THRB: variants seen among roughly 807,000 people sequenced by gnomAD.
The protein encoded by THRB is thyroid hormone receptor beta.
THRB carries 12 observed loss-of-function variants against 47.8 expected under a neutral mutation model. That is an observed-to-expected ratio of 0.25 (90% confidence interval 0.16 to 0.41). THRB has a LOEUF of 0.41. Ranked by LOEUF, THRB falls within the 10% of genes least tolerant of loss-of-function variation. The pLI is 1.00. For missense variants in THRB, 348 were observed against 589.2 expected (o/e 0.59, Z 4.24); for synonymous variants, 218 against 212.2 (o/e 1.03, Z -0.24).
chr3:24,333,912 C>T (rs914074349), intron 2 of THRB, among the ~76,000 whole-genome samples: 6 of 152,140 alleles, frequency 3.9e-5, no homozygotes, highest in East Asian at 1.9e-4. Flanking sequence ...CTCTTCTTGC[C>T]GTTTCCTAAC....
At chr3:24,325,371 A>G (rs949295392) in intron 2 of THRB, among the ~76,000 whole-genome samples, 1 of 152,210 alleles carries the variant, frequency 6.6e-6, no homozygotes, top group African/African-American at 2.4e-5. Context: ...TTCACTCTCA[A>G]TTAATTGCAA....
chr3:24,240,643 C>A (rs1305752356), intron 3 of THRB, among the ~76,000 whole-genome samples: 1 of 152,152 alleles, frequency 6.6e-6, no homozygotes, highest in Non-Finnish European at 1.5e-5. Flanking sequence ...TTACAGGTAG[C>A]AAGGAGCTAC....
At position 24,190,216 on chromosome 3, in the gene THRB, G is replaced by C; in HGVS notation, c.141C>G (p.Ser47Arg). ...GCGACGACTGTTCATTTTTCAACGTGCTGCGCCTCTCTGAATGGCTCTTCC... is the reference window on the plus strand; with the variant it reads ...GCGACGACTGTTCATTTTTCAACGTCCTGCGCCTCTCTGAATGGCTCTTCC... Reference protein sequence around the residue: ...LHRKSHSERRSTLKNEQSSPH... With the variant: ...LHRKSHSERRRTLKNEQSSPH... The change falls in exon 5 of 11, where the codon AGC becomes AGG. Residue 47 changes from serine (S) to arginine (R), a missense_variant. Ser to Arg is a moderately radical substitution (Grantham distance 110, BLOSUM62 -1). Transcript: ENST00000646209. The C allele has an allele frequency of 6.2e-7, 1 of 1,614,112 alleles. No individual in the cohort carries two copies. The highest frequency in any genetic ancestry group is 8.5e-7 in the Non-Finnish European group (1 of 1,179,982).
chr3:24,436,974 A>G (rs2071023483), intron 1 of THRB, among the ~76,000 whole-genome samples: 1 of 152,002 alleles, frequency 6.6e-6, no homozygotes, highest in South Asian at 2.1e-4. Flanking sequence ...CTCATTGCAG[A>G]GGGTTGACGC....
intron 6 of THRB, 63 bp from the exon 7 acceptor site, chr3:24,146,885 A>C (rs919404305): frequency 2.0e-6 from 3 of 1,510,186 alleles, no homozygotes; most frequent in Non-Finnish European, 2.8e-6. Flanking sequence ...GTGATTCTGG[A>C]ATTTTGTGTC....
intron 3 of THRB, among the ~76,000 whole-genome samples, chr3:24,270,646 T>G (rs1039896340): frequency 6.6e-6 from 1 of 152,178 alleles, no homozygotes; most frequent in Non-Finnish European, 1.5e-5. Flanking sequence ...GGTCAGTTCA[T>G]CAGGTCATGG....
At chr3:24,225,555 A>G (rs1486409112) in intron 4 of THRB, among the ~76,000 whole-genome samples, 6 of 152,230 alleles carry the variant, frequency 3.9e-5, no homozygotes, top group Admixed American at 1.3e-4. Flanking sequence ...CAGCGCAAAC[A>G]TAATGGGTCT....
In THRB at chr3:24,298,836, T is replaced by C. The variant is rs374926463; in HGVS notation, c.-188-1465A>G. Among the ~76,000 whole-genome samples the C allele has an allele frequency of 2.0e-4, 31 of 152,368 alleles. 1 individual carries two copies. The South Asian group carries it at 6.0e-3, about 30-fold the overall frequency. ...CATGAAAAAGGGTCTCTAGACATGA[T>C]TATGGATTGTGACTCATTTGATTGT... is the stretch of plus-strand genomic sequence containing the variant. On this transcript the variant is annotated intron_variant, in intron 2 of 10. Coordinates refer to ENST00000646209, the MANE Select transcript of THRB (RefSeq NM_001354712.2).
rs138552616 is a variant in THRB, at chr3:24,144,150, G to A, written c.533-444C>T. 531 of 188,210 alleles carry A rather than the reference G, an allele frequency of 2.8e-3. 10 individuals carry two copies. Among genetic ancestry groups the A allele is most frequent in the Admixed American group, 0.018 (330 of 18,800 alleles). 11.7% of individuals were successfully genotyped at this position (188,210 alleles called of 1,614,324 possible). A position where few individuals can be genotyped will look rare whatever the true frequency, so the allele number is the denominator to read the frequency against. ...AAAGAGAACTTCAGGTTAAAGAAAC[G>A]TTATGGAATTAAAAAAAGAAACGTT... On this transcript the variant is annotated intron_variant, in intron 7 of 10. Transcript: ENST00000646209.
chr3:24,380,536 A>C (rs1207712193), intron 1 of THRB, among the ~76,000 whole-genome samples: 1 of 152,148 alleles, frequency 6.6e-6, no homozygotes, highest in South Asian at 2.1e-4. Flanking sequence ...TTTTCACAAC[A>C]GCCCTAAATG....
At chr3:24,484,112 T>G (rs1025738298) in intron 1 of THRB, 4 of 152,204 alleles carry the variant, frequency 2.6e-5, no homozygotes, top group Non-Finnish European at 5.9e-5. Flanking sequence ...AACAGAGCCA[T>G]CAATCAATCA....
chr3:24,128,511 T>C (rs1238493016), intron 9 of THRB, among the ~76,000 whole-genome samples: 3 of 152,202 alleles, frequency 2.0e-5, no homozygotes, highest in Non-Finnish European at 4.4e-5. Context: ...ACGTTAATAA[T>C]AAAAAATACC....
chr3:24,195,256 A>G (rs572903067), intron 4 of THRB, among the ~76,000 whole-genome samples: 3 of 152,178 alleles, frequency 2.0e-5, no homozygotes, highest in Non-Finnish European at 4.4e-5. Flanking sequence ...TATCTTCACA[A>G]ACATCCAGGG....
At chr3:24,307,323 A>T (rs2057421995) in intron 2 of THRB, among the ~76,000 whole-genome samples, 1 of 142,820 alleles carries the variant, frequency 7.0e-6, no homozygotes, top group Non-Finnish European at 1.6e-5. Context: ...GAAAAGTATT[A>T]AAAAATCACT....
intron 1 of THRB, among the ~76,000 whole-genome samples, chr3:24,347,361 A>G (rs912009167): frequency 1.3e-5 from 2 of 151,986 alleles, no homozygotes; most frequent in Non-Finnish European, 2.9e-5. Context: ...AAATAATACC[A>G]TATTAGGGTC....
chr3:24,446,727 G>T (rs147392438), intron 1 of THRB, among the ~76,000 whole-genome samples: 74 of 152,246 alleles, frequency 4.9e-4, no homozygotes, highest in African/African-American at 1.8e-3. Flanking sequence ...ATCTTTGTGG[G>T]GTGCTCTCTA....
At chr3:24,478,826 G>C (rs1695886114) in intron 1 of THRB, among the ~76,000 whole-genome samples, 1 of 152,160 alleles carries the variant, frequency 6.6e-6, no homozygotes, top group Admixed American at 6.5e-5. Flanking sequence ...TTAGGGGGTG[G>C]GGAGAGATTA....
chr3:24,495,263 C>T (rs1268037113), upstream of THRB: 1 of 151,618 alleles, frequency 6.6e-6, no homozygotes, highest in East Asian at 2.0e-4. Flanking sequence ...CCGGCTCCGC[C>T]AGGGGCGCAG....
intron 1 of THRB, among the ~76,000 whole-genome samples, chr3:24,400,032 G>T (rs2067274233): frequency 6.6e-6 from 1 of 152,042 alleles, no homozygotes; most frequent in Admixed American, 6.6e-5. Flanking sequence ...CCAAGTCCTG[G>T]GGTGAAGACA....
Sources: allele counts gnomAD v4.1 joint callset (sites outside exome capture counted in the v4.1 genomes callset), GRCh38; gene constraint gnomAD v4.1.1; transcripts MANE v1.5; gene names NCBI Gene and HGNC (gene_info 2026-07-23, HGNC 2026-07-21).